Variants in ZNF512B observed in about 807,000 individuals in gnomAD.
ZNF512B encodes zinc finger protein 512B.
A neutral mutation model predicts 87.8 loss-of-function variants in ZNF512B; 22 were observed. The observed-to-expected ratio is 0.25, with a 90% CI of 0.18 to 0.36. The LOEUF (loss-of-function observed/expected upper bound fraction) is 0.36. Among genes scored for constraint, ZNF512B ranks in the 10% least tolerant of loss-of-function variants. The pLI is 1.00. For missense variants in ZNF512B, 1,060 were observed against 1,231.6 expected, an observed-to-expected ratio of 0.86 and a Z score of 2.09; for synonymous variants, 524 against 490.9, an observed-to-expected ratio of 1.07 and a Z score of -0.89.
chr20:63,964,023 C>T (rs752691094), intron 8 of ZNF512B, 48 bp downstream of exon 8: 1 of 1,594,016 alleles, frequency 6.3e-7, no homozygotes, highest in African/African-American at 1.3e-5. Context: ...GCTGTGGGAT[C>T]TACCCGCCGT....
Position 63,959,948 on chromosome 20 carries a change from G to T in ZNF512B, c.2619C>A (p.Asp873Glu). 1 of 1,610,554 alleles carries T rather than the reference G, an allele frequency of 6.2e-7. No homozygotes were observed. Among genetic ancestry groups the T allele is most frequent in the Non-Finnish European group, 8.5e-7 (1 of 1,179,684 alleles). ...RRDDWPPGCRDKGARGSTGRK... is the reference protein window; with the variant it reads ...RRDDWPPGCREKGARGSTGRK... ...GGCCGGTGGAGCCCCGGGCCCCCTT[G>T]TCTCTGCATCCTGGAGGCCAGTCGT... Residue 873 changes from aspartate (D) to glutamate (E), a missense_variant, in exon 17 of 17, where the codon GAC (aspartate) becomes GAA (glutamate). Around this residue, in one of 9 missense-constraint regions of ZNF512B, gnomAD observed 253 missense variants for 259.2 expected, o/e 0.98. Transcript: ENST00000369888.
At position 63,964,593 on chromosome 20, in the gene ZNF512B, A is replaced by G. The variant is rs1218585713; in HGVS notation, c.1158T>C (p.Ser386=). The G allele has an allele frequency of 1.2e-6, 2 of 1,613,240 alleles. No individual in the cohort carries two copies. Among genetic ancestry groups the G allele is most frequent in the Non-Finnish European group, 8.5e-7 (1 of 1,179,976 alleles). The change falls in exon 6 of 17, where the codon AGT becomes AGC. Residue 386 remains serine (S), a synonymous_variant. Transcript: ENST00000369888. ...GCCTGCTGCCTGGCGACAAGGAGCC[A>G]CTGCTGGTGTCTGCACTCAGCTGGA... ...SAFQLSADTS[S]GSLSPGSRPS... is the part of the protein sequence containing the mutation.
rs576580864 is a variant in ZNF512B at position 63,967,628 on chromosome 20, G to A, written c.122-105C>T. On this transcript the variant is annotated intron_variant, in intron 2 of 16. Coordinates refer to ENST00000369888, the MANE Select transcript of ZNF512B (RefSeq NM_020713.3). ...ACCGCTGTCCCAACACGAGGGCACC[G>A]GGGGCAGGGGCTGCGGCCAGCTGAG... The A allele has an allele frequency of 2.1e-4, 312 of 1,487,704 alleles. 2 individuals are homozygous for A. In the East Asian group the frequency reaches 2.9e-3, roughly 14 times the overall value. The allele number at this position is 1,487,704 out of a possible 1,614,324, so 92.2% of individuals were successfully genotyped here. A position where few individuals can be genotyped will look rare whatever the true frequency, so the allele number is the denominator to read the frequency against.
chr20:63,959,770 G>C lies in ZNF512B; in HGVS notation c.*118C>G, dbSNP rs2058828869. On this transcript the variant is annotated 3_prime_UTR_variant, in exon 17 of 17. Transcript: ENST00000369888. Reference sequence around the variant, plus strand: ...AGAGTGGCTGGCTGCCCCACTGGACGGATGAAGAGGCGGGGGTGGGGGATG... The same window carrying C: ...AGAGTGGCTGGCTGCCCCACTGGACCGATGAAGAGGCGGGGGTGGGGGATG... 14 of 1,399,770 alleles carry C rather than the reference G, an allele frequency of 1.0e-5. No homozygotes were observed. Among genetic ancestry groups the C allele is most frequent in the Non-Finnish European group, 1.3e-5 (14 of 1,061,272 alleles). 86.7% of individuals were successfully genotyped at this position (1,399,770 alleles called of 1,614,324 possible).
Position 63,961,290 on chromosome 20 carries a change from C to T in ZNF512B, c.2427+19G>A, listed in dbSNP as rs2058847683. ...CTGGGCTAGCCCCCAGCCACAGGCC[C>T]TGGTGATGGCCCTCGCACCTCTGCG... is the stretch of plus-strand genomic sequence containing the variant. On this transcript the variant is annotated intron_variant, in intron 16 of 16. Transcript: ENST00000369888. The surrounding 1 kb of genome is among the most constrained non-coding windows in gnomAD (Gnocchi z 6.4). 4 of 1,610,334 alleles carry T rather than the reference C, an allele frequency of 2.5e-6. No homozygotes were observed. The highest frequency in any genetic ancestry group is 1.3e-5 in the African/African-American group (1 of 75,028).
rs1388362056 is a variant in ZNF512B, at chr20:63,961,233, C to G, written c.2427+76G>C. 7.0e-7 allele frequency: 1 copy of G among 1,434,804 alleles called. No individual in the cohort carries two copies. Among genetic ancestry groups the G allele is most frequent in the Non-Finnish European group, 9.7e-7 (1 of 1,031,762 alleles). The allele number at this position is 1,434,804 out of a possible 1,614,324, so 88.9% of individuals were successfully genotyped here. Reference sequence around the variant, plus strand: ...TGCAGGCCACTGACCTCTCTACCCCCAAGGGGTGCCCAACCCCAGCCCTGT... The same window carrying G: ...TGCAGGCCACTGACCTCTCTACCCCGAAGGGGTGCCCAACCCCAGCCCTGT... On this transcript the variant is annotated intron_variant, in intron 16 of 16. Coordinates refer to ENST00000369888, the MANE Select transcript of ZNF512B (RefSeq NM_020713.3). The surrounding 1 kb of genome is among the most constrained non-coding windows in gnomAD (Gnocchi z 6.4).
intron 14 of ZNF512B, 39 bp from the exon 15 acceptor site, chr20:63,962,043 G>C (rs1486115455): frequency 6.5e-7 from 1 of 1,545,728 alleles, no homozygotes; most frequent in South Asian, 1.2e-5. Context: ...CCTCTGGTGG[G>C]CACCCCACAC....
At position 63,959,763 on chromosome 20, in the gene ZNF512B, A is replaced by G; in HGVS notation, c.*125T>C. The stretch of plus-strand genomic sequence containing the variant: ...GGAAGGGAGAGTGGCTGGCTGCCCC[A>G]CTGGACGGATGAAGAGGCGGGGGTG... On this transcript the variant is annotated 3_prime_UTR_variant, in exon 17 of 17. Coordinates refer to ENST00000369888, the MANE Select transcript of ZNF512B (RefSeq NM_020713.3). The G allele has an allele frequency of 7.3e-7, 1 of 1,375,778 alleles. No homozygotes were observed. The highest frequency in any genetic ancestry group is 9.6e-7 in the Non-Finnish European group (1 of 1,043,272). The allele number at this position is 1,375,778 out of a possible 1,614,324, so 85.2% of individuals were successfully genotyped here.
intron 13 of ZNF512B, 46 bp downstream of exon 13, chr20:63,962,541 C>A: frequency 3.2e-6 from 5 of 1,576,552 alleles, no homozygotes; most frequent in Non-Finnish European, 4.3e-6. Context: ...GCATGCCCCA[C>A]GCAGAGGCCA....
Position 63,962,734 on chromosome 20 carries a change from C to T in ZNF512B, c.2016G>A (p.Leu672=). The change falls in exon 13 of 17, where the codon CTG becomes CTA. Residue 672 remains leucine, a synonymous_variant. Coordinates refer to ENST00000369888, the MANE Select transcript of ZNF512B (RefSeq NM_020713.3). ...GCCCGCTTGGGGTCCGCTCCACACCCAGCGGGTCCTCAGCCTCAGGGGACT... is the reference window on the plus strand; with the variant it reads ...GCCCGCTTGGGGTCCGCTCCACACCTAGCGGGTCCTCAGCCTCAGGGGACT... The part of the protein sequence containing the change: ...TDKSPEAEDP[L]GVERTPSGRV... 6.2e-7 allele frequency: 1 copy of T among 1,603,290 alleles called. No homozygotes were observed.
Position 63,960,074 on chromosome 20 carries a change from C to T in ZNF512B, c.2493G>A (p.Lys831=), listed in dbSNP as rs373557148. ...KHRSQDSLVP[K]KEKKKNLAGG... ...CTGCCAGATTTTTCTTCTTTTCCTT[C>T]TTGGGCACCAATGAGTCCTGGCTCC... The change falls in exon 17 of 17, where the codon AAG becomes AAA. Residue 831 remains lysine, a synonymous_variant. Transcript: ENST00000369888. 1.1e-5 allele frequency: 18 copies of T among 1,614,012 alleles called. No individual in the cohort carries two copies. The highest frequency in any genetic ancestry group is 1.7e-5 in the Admixed American group (1 of 60,034).
Position 63,961,963 on chromosome 20 carries a change from A to T in ZNF512B, c.2307T>A (p.Ala769=). Residue 769 remains alanine, a synonymous_variant, in exon 15 of 17, where the codon GCT becomes GCA. Transcript: ENST00000369888. This position sits in a 1 kb window ranked among gnomAD's most constrained non-coding sequence, Gnocchi z 6.4. ...TGACCTTACTGCAGCTGGCGAGATG[A>T]GCCTTGAGTCCGGACACGCTGGAGT... The part of the protein sequence containing the change: ...AIYSSVSGLK[A]HLASCSKGAH... The T allele has an allele frequency of 1.9e-6, 3 of 1,551,002 alleles. No individual in the cohort carries two copies. The highest frequency in any genetic ancestry group is 2.6e-6 in the Non-Finnish European group (3 of 1,146,898).
chr20:63,964,001 C>A, intron 8 of ZNF512B, 70 bp downstream of exon 8: 1 of 1,594,686 alleles, frequency 6.3e-7, no homozygotes, highest in Non-Finnish European at 8.5e-7. Context: ...CACACTCAGC[C>A]CCCATCCCTG....
Position 63,964,490 on chromosome 20 carries a change from T to C in ZNF512B, c.1261A>G (p.Arg421Gly). Residue 421 changes from arginine (R) to glycine (G), a missense_variant and splice_region_variant, in exon 6 of 17, where the codon AGA becomes GGA. This residue lies in a region of ZNF512B where 212 missense variants were observed against 207.6 expected (regional missense o/e 1.02). Coordinates refer to ENST00000369888, the MANE Select transcript of ZNF512B (RefSeq NM_020713.3). ...PEEDPERTKH[R>G]RKQKTPKKFT... ...GCCACCCCTGGAGCTCTCATCTTAC[T>C]GTGCTTTGTGCGCTCCGGGTCCTCC... 6.2e-7 allele frequency: 1 copy of C among 1,612,986 alleles called. No individual in the cohort carries two copies. The highest frequency in any genetic ancestry group is 8.5e-7 in the Non-Finnish European group (1 of 1,179,800).
chr20:63,960,086 T>G lies in ZNF512B; in HGVS notation c.2481A>C (p.Ser827=), dbSNP rs1413156101. ...TCTTCTTTTCCTTCTTGGGCACCAA[T>G]GAGTCCTGGCTCCTGTGTTTGGGAG... ...DPPPKHRSQD[S]LVPKKEKKKN... is the part of the protein sequence containing the mutation. The change falls in exon 17 of 17, where the codon TCA becomes TCC. Residue 827 remains serine, a synonymous_variant. Transcript: ENST00000369888. 1.9e-6 allele frequency: 3 copies of G among 1,613,982 alleles called. No individual in the cohort carries two copies. The highest frequency in any genetic ancestry group is 2.5e-6 in the Non-Finnish European group (3 of 1,180,016).
chr20:63,961,873 G>A lies in ZNF512B; in HGVS notation c.2328+69C>T. The stretch of plus-strand genomic sequence containing the variant: ...AGGGTCCCTCACTACTGTGTGGGAA[G>A]CCCGCGTGGGGTGAGCTGGGAGCTC... On this transcript the variant is annotated intron_variant, in intron 15 of 16. Coordinates refer to ENST00000369888, the MANE Select transcript of ZNF512B (RefSeq NM_020713.3). The surrounding 1 kb of genome is among the most constrained non-coding windows in gnomAD (Gnocchi z 6.4). 6.7e-7 allele frequency: 1 copy of A among 1,495,230 alleles called. No individual in the cohort carries two copies. The highest frequency in any genetic ancestry group is 1.2e-5 in the South Asian group (1 of 82,910). The allele number at this position is 1,495,230 out of a possible 1,614,324, so 92.6% of individuals were successfully genotyped here.
In ZNF512B at chr20:63,959,744, G is replaced by A. The variant is rs896751730; in HGVS notation, c.*144C>T. 2 of 1,270,802 alleles carry A rather than the reference G, an allele frequency of 1.6e-6. No individual in the cohort carries two copies. The highest frequency in any genetic ancestry group is 2.8e-5 in the Admixed American group (1 of 35,164). The allele number at this position is 1,270,802 out of a possible 1,614,324, so 78.7% of individuals were successfully genotyped here. A position where few individuals can be genotyped will look rare whatever the true frequency, so the allele number is the denominator to read the frequency against. On this transcript the variant is annotated 3_prime_UTR_variant, in exon 17 of 17. Coordinates refer to ENST00000369888, the MANE Select transcript of ZNF512B (RefSeq NM_020713.3). ...GGGGAAGGGCCACCTTCAGGGAAGG[G>A]AGAGTGGCTGGCTGCCCCACTGGAC...
At chr20:63,969,647 G>A (rs898248415) in intron 1 of ZNF512B, among the ~76,000 whole-genome samples, 167 bp downstream of exon 1, 6 of 145,388 alleles carry the variant, frequency 4.1e-5, no homozygotes, top group African/African-American at 1.5e-4. Flanking sequence ...AGAAGGAGGA[G>A]GCAGGAAGAC....
At position 63,963,947 on chromosome 20, in the gene ZNF512B, G is replaced by C. The variant is rs371663801; in HGVS notation, c.1481-34C>G. The C allele has an allele frequency of 1.3e-5, 21 of 1,604,030 alleles. No individual in the cohort carries two copies. The African/African-American group carries it at 2.7e-4, about 20-fold the overall frequency. ...AAGGCAGGGGCCTCGAAGGCTTGTG[G>C]GGGCTGCTGGGTGGCCCAGACGCCA... On this transcript the variant is annotated intron_variant, in intron 8 of 16. Coordinates refer to ENST00000369888, the MANE Select transcript of ZNF512B (RefSeq NM_020713.3).
Sources: gnomAD v4.1 joint callset for allele counts (sites outside exome capture counted in the v4.1 genomes callset) on GRCh38, gnomAD v4.1.1 for gene constraint, gnomAD v4.1.1 regional missense constraint, Gnocchi (gnomAD v3.1) non-coding constraint, MANE v1.5 for transcripts, NCBI Gene and HGNC (gene_info 2026-07-23, HGNC 2026-07-21) for gene names.